The following PCDHGA9 variants were observed in gnomAD, a reference collection of about 807,000 sequenced individuals.
PCDHGA9 encodes the protein protocadherin gamma subfamily A, 9.
PCDHGA9 carries 37 observed loss-of-function variants against 62.5 expected under a neutral mutation model. The observed-to-expected ratio is 0.59, with a 90% CI of 0.46 to 0.78. The LOEUF (loss-of-function observed/expected upper bound fraction) is 0.78, where lower values mean the gene tolerates loss of function less well. Ranked by LOEUF, PCDHGA9 falls within the 30% of genes least tolerant of loss-of-function variation. The probability of loss-of-function intolerance (pLI) is 0.00; values close to 1 mark genes in which losing one functional copy is unlikely to be tolerated. For missense variants in PCDHGA9, 1,138 were observed against 1,166.2 expected (o/e 0.98, Z 0.35); for synonymous variants, 459 against 484.6 (o/e 0.95, Z 0.69).
intron 1 of PCDHGA9, among the ~76,000 whole-genome samples, chr5:141,452,529 G>A (rs758947494): frequency 1.3e-5 from 2 of 152,176 alleles, no homozygotes; most frequent in Non-Finnish European, 2.9e-5. Context: ...AAAATCGTGA[G>A]TTCATATTGA....
chr5:141,467,535 G>C (rs2099145685), intron 1 of PCDHGA9, among the ~76,000 whole-genome samples: 1 of 152,176 alleles, frequency 6.6e-6, no homozygotes, highest in South Asian at 2.1e-4. Flanking sequence ...GCTGAGATAT[G>C]GATCTGATTA....
At chr5:141,437,826 CT>C (rs1263000808) in intron 1 of PCDHGA9, among the ~76,000 whole-genome samples, 5 of 151,936 alleles carry the variant, frequency 3.3e-5, no homozygotes, top group African/African-American at 1.2e-4. Flanking sequence ...CAACCTCTGC[CT>C]CCTGGGTTCA....
rs2099687792 is a variant in PCDHGA9, at chr5:141,489,485, G to GT, written c.2425-5321dup. Reference sequence around the variant, plus strand: ...TATTTTTCCCTGAGCTTGATGAGTGGTGCCCTGGCAGTGAATCAAAAGATT... The same window carrying GT: ...TATTTTTCCCTGAGCTTGATGAGTGGTTGCCCTGGCAGTGAATCAAAAGATT... On this transcript the variant is annotated intron_variant, in intron 1 of 3. Coordinates refer to ENST00000573521, the MANE Select transcript of PCDHGA9 (RefSeq NM_018921.3). This position sits in a 1 kb window ranked among gnomAD's most constrained non-coding sequence, Gnocchi z 4.5. The GT allele has an allele frequency of 6.2e-7, 1 of 1,614,088 alleles. No individual in the cohort carries two copies. The highest frequency in any genetic ancestry group is 2.2e-5 in the East Asian group (1 of 44,868).
Position 141,491,279 on chromosome 5 carries a change from T to G in PCDHGA9, c.2425-3528T>G. 1 of 1,614,110 alleles carries G rather than the reference T, an allele frequency of 6.2e-7. No individual in the cohort carries two copies. The highest frequency in any genetic ancestry group is 2.2e-5 in the East Asian group (1 of 44,878). ...GAGGAAATGCCCAAATCCAGTGACT[T>G]CCTCATACACCCTCCTGAGCGTTCA... On this transcript the variant is annotated intron_variant, in intron 1 of 3. Transcript: ENST00000573521. The surrounding 1 kb of genome is among the most constrained non-coding windows in gnomAD (Gnocchi z 6.9).
intron 2 of PCDHGA9, among the ~76,000 whole-genome samples, chr5:141,496,180 GC>G (rs1054381604): frequency 1.4e-4 from 21 of 151,922 alleles, no homozygotes; most frequent in Non-Finnish European, 2.9e-4. Flanking sequence ...CATCCAAGCA[GC>G]CCCAGCTGCT....
chr5:141,431,609 G>A lies in PCDHGA9; in HGVS notation c.2424+26233G>A. The A allele has an allele frequency of 6.2e-7, 1 of 1,614,232 alleles. No homozygotes were observed. The highest frequency in any genetic ancestry group is 8.5e-7 in the Non-Finnish European group (1 of 1,180,046). On this transcript the variant is annotated intron_variant, in intron 1 of 3. Coordinates refer to ENST00000573521, the MANE Select transcript of PCDHGA9 (RefSeq NM_018921.3). The surrounding 1 kb of genome is among the most constrained non-coding windows in gnomAD (Gnocchi z 4.8). ...GGAAGTGAGGTATTCCTTCCGGTAT[G>A]TGGACGACAAGGCGGCCCAAGTTTT...
chr5:141,474,325 C>A (rs540113771), intron 1 of PCDHGA9, among the ~76,000 whole-genome samples: 1 of 152,256 alleles, frequency 6.6e-6, no homozygotes, highest in Admixed American at 6.5e-5. Context: ...TTTCAAATCA[C>A]CCTGATGTTT....
chr5:141,423,746 T>G, intron 1 of PCDHGA9: 2 of 384,794 alleles, frequency 5.2e-6, no homozygotes, highest in Non-Finnish European at 6.6e-6. Flanking sequence ...TTATGAAAAC[T>G]GTTTGGGGGG....
chr5:141,452,459 C>T (rs545368648), intron 1 of PCDHGA9, among the ~76,000 whole-genome samples: 38 of 152,246 alleles, frequency 2.5e-4, no homozygotes, highest in Middle Eastern at 6.8e-3. Context: ...TGTCAGCAGA[C>T]GGAGCTAGGA....
intron 2 of PCDHGA9, among the ~76,000 whole-genome samples, chr5:141,500,281 T>A (rs1254933339): frequency 2.0e-5 from 3 of 151,934 alleles, no homozygotes; most frequent in Non-Finnish European, 4.4e-5. Context: ...CAATCTCGGC[T>A]CACTGCAAGC....
chr5:141,446,917 C>G (rs979679080), intron 1 of PCDHGA9, among the ~76,000 whole-genome samples: 1 of 152,108 alleles, frequency 6.6e-6, no homozygotes, highest in South Asian at 2.1e-4. Flanking sequence ...TTTTATTTAT[C>G]TTCCTGATCT....
At chr5:141,406,072 C>CT (rs530474569) in intron 1 of PCDHGA9, among the ~76,000 whole-genome samples, 26,413 of 141,282 alleles carry the variant, frequency 0.19, 2,878 homozygotes, top group African/African-American at 0.31. Context: ...ATTCTTACTC[C>CT]TTTTTTTTTT....
rs1357901633 is a variant in PCDHGA9, at chr5:141,476,594, C to G, written c.2425-18213C>G. On this transcript the variant is annotated intron_variant, in intron 1 of 3. Transcript: ENST00000573521. This position sits in a 1 kb window ranked among gnomAD's most constrained non-coding sequence, Gnocchi z 7.6. ...GACGCGCTTTCCGCTCGAGAGCGCG[C>G]ACGATCCCGATGTGGGAAGCAACTC... The G allele has an allele frequency of 3.7e-6, 6 of 1,614,242 alleles. No homozygotes were observed. The highest frequency in any genetic ancestry group is 4.2e-6 in the Non-Finnish European group (5 of 1,180,040).
At chr5:141,412,666 G>C (rs991501719) in intron 1 of PCDHGA9, 3 of 152,120 alleles carry the variant, frequency 2.0e-5, no homozygotes, top group African/African-American at 7.2e-5. Flanking sequence ...ACACTAATAT[G>C]ACCTAAAATA....
rs775898365 is a variant in PCDHGA9 at position 141,476,425 on chromosome 5, T to C, written c.2425-18382T>C. On this transcript the variant is annotated intron_variant, in intron 1 of 3. Transcript: ENST00000573521. This position sits in a 1 kb window ranked among gnomAD's most constrained non-coding sequence, Gnocchi z 7.6. ...AGGAGCTGTGTGGGACACTGCCCTC[T>C]TGCACTGTAACTCTGGAGTTGGTAG... is the stretch of plus-strand genomic sequence containing the variant. The C allele has an allele frequency of 1.2e-6, 2 of 1,614,108 alleles. No homozygotes were observed. Among genetic ancestry groups the C allele is most frequent in the East Asian group, 4.5e-5 (2 of 44,848 alleles).
intron 1 of PCDHGA9, among the ~76,000 whole-genome samples, chr5:141,453,827 C>T (rs2098775483): frequency 6.6e-6 from 1 of 152,320 alleles, no homozygotes; most frequent in South Asian, 2.1e-4. Flanking sequence ...AACTTGGCTG[C>T]TAGCCCTTCA....
intron 1 of PCDHGA9, among the ~76,000 whole-genome samples, chr5:141,462,829 G>T (rs770335372): frequency 4.6e-5 from 7 of 152,130 alleles, no homozygotes; most frequent in Non-Finnish European, 8.8e-5. Flanking sequence ...AGCAGACATT[G>T]TAAATGTTAT....
intron 1 of PCDHGA9, chr5:141,484,976 G>T: frequency 1.7e-6 from 1 of 592,920 alleles, no homozygotes; most frequent in South Asian, 2.1e-5. Flanking sequence ...GCCGCTGTCT[G>T]CCAATCGGGT....
rs1562187768 is a variant in PCDHGA9, at chr5:141,499,029, A to AAGG, written c.2483+4165_2483+4166insGGA. 5.0e-3 allele frequency among the ~76,000 whole-genome samples: 706 copies of AAGG among 140,066 alleles called. 6 individuals carry two copies. Among genetic ancestry groups the AAGG allele is most frequent in the African/African-American group, 0.019 (683 of 36,064 alleles). The allele number at this position is 140,066 out of a possible 152,430, so 91.9% of individuals were successfully genotyped here. A position where few individuals can be genotyped will look rare whatever the true frequency, so the allele number is the denominator to read the frequency against. ...GGAAGGAAGGAAGGAAGGAAGGAAG[A>AAGG]AAAGAAAGAAAAAGGGAGAAAAAAT... On this transcript the variant is annotated intron_variant, in intron 2 of 3. Transcript: ENST00000573521.
Sources: gnomAD v4.1 joint callset for allele counts (sites outside exome capture counted in the v4.1 genomes callset) on GRCh38, gnomAD v4.1.1 for gene constraint, Gnocchi (gnomAD v3.1) non-coding constraint, MANE v1.5 for transcripts, NCBI Gene and HGNC (gene_info 2026-07-23, HGNC 2026-07-21) for gene names.